The following SRC variants were observed in gnomAD, a reference collection of about 807,000 sequenced individuals.
The protein encoded by SRC is SRC proto-oncogene, non-receptor tyrosine kinase, also known as proto-oncogene tyrosine-protein kinase Src.
SRC carries 13 observed loss-of-function variants against 62.9 expected under a neutral mutation model. The observed-to-expected ratio is 0.21, with a 90% confidence interval of 0.13 to 0.33. The LOEUF (loss-of-function observed/expected upper bound fraction) is 0.33, where lower values mean the gene tolerates loss of function less well. SRC is among the 10% of genes least tolerant of loss of function. The probability of loss-of-function intolerance (pLI) is 1.00; values close to 1 mark genes in which losing one functional copy is unlikely to be tolerated. For missense variants in SRC, 457 were observed against 737.3 expected, an observed-to-expected ratio of 0.62 and a Z score of 4.40; for synonymous variants, 302 against 317.5, an observed-to-expected ratio of 0.95 and a Z score of 0.52.
At chr20:37,370,555 A>T (rs2070146560) in intron 2 of SRC, among the ~76,000 whole-genome samples, 1 of 152,232 alleles carries the variant, frequency 6.6e-6, no homozygotes, top group Non-Finnish European at 1.5e-5. Flanking sequence ...AGCCTGGGTG[A>T]CAGAGAAAGA....
At position 37,404,212 on chromosome 20, in the gene SRC, G is replaced by T. The variant is rs1311102745; in HGVS notation, c.*833G>T. Reference sequence around the variant, plus strand: ...CAGCCCAGGAAACAAGGGGTCTGAGGATGCATTCGAGATGGCAGATTCCCA... The same window carrying T: ...CAGCCCAGGAAACAAGGGGTCTGAGTATGCATTCGAGATGGCAGATTCCCA... On this transcript the variant is annotated 3_prime_UTR_variant, in exon 14 of 14. Coordinates refer to ENST00000373578, the MANE Select transcript of SRC (RefSeq NM_198291.3). 42 of 233,556 alleles carry T rather than the reference G, an allele frequency of 1.8e-4. No individual in the cohort carries two copies. The Admixed American group carries it at 2.1e-3, about 12-fold the overall frequency. The allele number at this position is 233,556 out of a possible 1,614,324, so 14.5% of individuals were successfully genotyped here.
At chr20:37,364,546 G>C (rs1030489189) in intron 1 of SRC, among the ~76,000 whole-genome samples, 1 of 152,142 alleles carries the variant, frequency 6.6e-6, no homozygotes, top group African/African-American at 2.4e-5. Flanking sequence ...AGGTCTAGGG[G>C]ACAAGGAGAG....
chr20:37,380,651 T>C (rs1405699281), intron 2 of SRC, among the ~76,000 whole-genome samples: 1 of 152,154 alleles, frequency 6.6e-6, no homozygotes, highest in Non-Finnish European at 1.5e-5. Flanking sequence ...CCAGAGCACC[T>C]AGTGGGTGTC....
At chr20:37,375,799 A>C (rs990004664) in intron 2 of SRC, among the ~76,000 whole-genome samples, 1 of 152,226 alleles carries the variant, frequency 6.6e-6, no homozygotes, top group African/African-American at 2.4e-5. Flanking sequence ...AACCATGAAC[A>C]TTTATTTCTC....
At chr20:37,369,577 G>A (rs2070128706) in intron 2 of SRC, among the ~76,000 whole-genome samples, 1 of 151,890 alleles carries the variant, frequency 6.6e-6, no homozygotes, top group Admixed American at 6.6e-5. Flanking sequence ...CATATTATCT[G>A]CAAAAAAAGA....
intron 2 of SRC, among the ~76,000 whole-genome samples, chr20:37,373,148 ATACACACATACACACATATATG>A (rs2070199618): frequency 3.0e-5 from 4 of 133,598 alleles, no homozygotes; most frequent in Admixed American, 1.4e-4. Context: ...ATATGTACAT[ATACACACATACACACATATATG>A]TACACACATA....
chr20:37,353,626 C>T (rs969439653), intron 1 of SRC, among the ~76,000 whole-genome samples: 1 of 152,112 alleles, frequency 6.6e-6, no homozygotes. Flanking sequence ...ACAGCAGCCT[C>T]GCGGGGTAGT....
At chr20:37,378,999 T>G in intron 2 of SRC, among the ~76,000 whole-genome samples, 1 of 123,354 alleles carries the variant, frequency 8.1e-6, no homozygotes, top group Non-Finnish European at 1.6e-5. Flanking sequence ...TGTCGCTGAG[T>G]CAGTGATGGG....
At position 37,397,871 on chromosome 20, in the gene SRC, GC is replaced by G. The variant is rs757906479; in HGVS notation, c.859+20del. The G allele has an allele frequency of 1.3e-6, 2 of 1,599,964 alleles. No homozygotes were observed. Among genetic ancestry groups the G allele is most frequent in the Non-Finnish European group, 1.7e-6 (2 of 1,175,198 alleles). On this transcript the variant is annotated intron_variant, in intron 9 of 13. Transcript: ENST00000373578. This position sits in a 1 kb window ranked among gnomAD's most constrained non-coding sequence, Gnocchi z 4.1. The stretch of plus-strand genomic sequence containing the variant: ...TGTGGATGGGTAAGGCCTGGCCCCT[GC>G]CCTCGGGAGAGGCATCCACCCCCCA...
intron 2 of SRC, among the ~76,000 whole-genome samples, chr20:37,372,928 A>T (rs2070189767): frequency 6.6e-6 from 1 of 152,126 alleles, no homozygotes; most frequent in Admixed American, 6.6e-5. Flanking sequence ...TTTATCATTT[A>T]AAAAATGGTT....
At chr20:37,356,929 C>T (rs146864801) in intron 1 of SRC, among the ~76,000 whole-genome samples, 102 of 152,216 alleles carry the variant, frequency 6.7e-4, no homozygotes, top group Admixed American at 2.0e-3. Flanking sequence ...TTTCCCCATC[C>T]GCAAAAATGG....
At chr20:37,357,675 G>A (rs2069903988) in intron 1 of SRC, among the ~76,000 whole-genome samples, 1 of 152,228 alleles carries the variant, frequency 6.6e-6, no homozygotes, top group Non-Finnish European at 1.5e-5. Flanking sequence ...TCCTCACTTG[G>A]ACTGGGGTTT....
At position 37,403,339 on chromosome 20, in the gene SRC, C is replaced by T. The variant is rs1358694181; in HGVS notation, c.1571C>T (p.Thr524Met). 5 of 1,607,022 alleles carry T rather than the reference C, an allele frequency of 3.1e-6. No homozygotes were observed. Among genetic ancestry groups the T allele is most frequent in the Non-Finnish European group, 3.4e-6 (4 of 1,177,528 alleles). The change falls in exon 14 of 14, where the codon ACG (threonine) becomes ATG (methionine). Residue 524 changes from threonine (T) to methionine (M), a missense_variant. Thr to Met is a moderately conservative substitution (Grantham distance 81, BLOSUM62 -1). Around this residue, in one of 4 missense-constraint regions of SRC, gnomAD observed 168 missense variants for 357.8 expected, o/e 0.47. Transcript: ENST00000373578. This position sits in a 1 kb window ranked among gnomAD's most constrained non-coding sequence, Gnocchi z 7.1. Reference protein sequence around the residue: ...YLQAFLEDYFTSTEPQYQPGE... With the variant: ...YLQAFLEDYFMSTEPQYQPGE... ...CAGGCCTTCCTGGAGGACTACTTCA[C>T]GTCCACCGAGCCCCAGTACCAGCCC...
At position 37,398,079 on chromosome 20, in the gene SRC, A is replaced by G. The variant is rs936350288; in HGVS notation, c.859+225A>G. ...TAGTGCCTGATTCCAAGATCCGCACAGGGCTGGGCATTGCACAGACCTGCT... is the reference window on the plus strand; with the variant it reads ...TAGTGCCTGATTCCAAGATCCGCACGGGGCTGGGCATTGCACAGACCTGCT... On this transcript the variant is annotated intron_variant, in intron 9 of 13. Coordinates refer to ENST00000373578, the MANE Select transcript of SRC (RefSeq NM_198291.3). The surrounding 1 kb of genome is among the most constrained non-coding windows in gnomAD (Gnocchi z 5.2). 1.3e-5 allele frequency among the ~76,000 whole-genome samples: 2 copies of G among 152,216 alleles called. No homozygotes were observed. Among genetic ancestry groups the G allele is most frequent in the Non-Finnish European group, 2.9e-5 (2 of 68,032 alleles).
Position 37,397,841 on chromosome 20 carries a change from C to T in SRC, c.846C>T (p.Gly282=), listed in dbSNP as rs367543242. 6.6e-5 allele frequency: 107 copies of T among 1,610,314 alleles called. No individual in the cohort carries two copies. The highest frequency in any genetic ancestry group is 5.7e-4 in the Admixed American group (34 of 59,842). ...TCAAGCTGGGCCAGGGCTGCTTTGG[C>T]GAGGTGTGGATGGGTAAGGCCTGGC... ...LEVKLGQGCF[G]EVWMGTWNGT... Residue 282 remains glycine, a synonymous_variant, in exon 9 of 14, where the codon GGC becomes GGT. Transcript: ENST00000373578. The surrounding 1 kb of genome is among the most constrained non-coding windows in gnomAD (Gnocchi z 4.1).
intron 2 of SRC, among the ~76,000 whole-genome samples, chr20:37,382,305 A>C (rs1397515253): frequency 7.2e-5 from 11 of 152,224 alleles, no homozygotes; most frequent in Non-Finnish European, 1.0e-4. Flanking sequence ...AGGAAACGGC[A>C]CAGAGAGAAG....
chr20:37,391,489 A>G (rs2147081991), intron 5 of SRC, among the ~76,000 whole-genome samples: 1 of 152,260 alleles, frequency 6.6e-6, no homozygotes, highest in Middle Eastern at 3.4e-3. Context: ...GTTTTCTGTG[A>G]TTTGAGTCCT....
In SRC at chr20:37,386,010, C is replaced by T; in HGVS notation, c.251-65C>T. On this transcript the variant is annotated intron_variant, in intron 4 of 13. Coordinates refer to ENST00000373578, the MANE Select transcript of SRC (RefSeq NM_198291.3). ...AATCCACTCCTCCTGGGTACAGGGC[C>T]ATCCTGCCCATGCCTTCCCTGGCTG... 4 of 1,315,180 alleles carry T rather than the reference C, an allele frequency of 3.0e-6. No homozygotes were observed. In the South Asian group the frequency reaches 4.8e-5, roughly 16 times the overall value. 81.5% of individuals were successfully genotyped at this position (1,315,180 alleles called of 1,614,324 possible).
chr20:37,348,970 G>A lies in SRC; in HGVS notation c.-247+2715G>A, dbSNP rs181423702. On this transcript the variant is annotated intron_variant, in intron 1 of 13. Transcript: ENST00000373578. ...GTGGGGGAAGCTGTGAGGCTGGAGC[G>A]TGCACAATGAAGGGGAGTGGGTAAG... 1.0e-3 allele frequency among the ~76,000 whole-genome samples: 158 copies of A among 152,288 alleles called. 2 individuals carry two copies. The highest frequency in any genetic ancestry group is 9.9e-3 in the Admixed American group (151 of 15,298).
Sources: gnomAD v4.1 joint callset for allele counts (sites outside exome capture counted in the v4.1 genomes callset) on GRCh38, gnomAD v4.1.1 for gene constraint, gnomAD v4.1.1 regional missense constraint, Gnocchi (gnomAD v3.1) non-coding constraint, MANE v1.5 for transcripts, NCBI Gene and HGNC (gene_info 2026-07-23, HGNC 2026-07-21) for gene names.